Variants in PRR14L observed in about 807,000 individuals in gnomAD.
PRR14L encodes the protein protein PRR14L.
Under a neutral mutation model 155.0 loss-of-function variants are expected in PRR14L, and 80 were observed. The ratio of observed to expected loss-of-function variants is 0.52; its 90% confidence interval spans 0.43 to 0.62. The LOEUF is 0.62. Ranked by LOEUF, PRR14L falls within the 20% of genes least tolerant of loss-of-function variation. PRR14L has a pLI of 0.00. For synonymous variants in PRR14L, 883 were observed against 916.0 expected (o/e 0.96, Z 0.65); for missense variants, 2,469 against 2,548.0 (o/e 0.97, Z 0.67).
intron 7 of PRR14L, 25 bp from the exon 8 acceptor site, chr22:31,688,252 T>G (rs1478138836): frequency 6.4e-7 from 1 of 1,551,386 alleles, no homozygotes; most frequent in Non-Finnish European, 8.7e-7. Flanking sequence ...GGAAAAAAAT[T>G]CTTCAGGTTC....
intron 8 of PRR14L, 63 bp downstream of exon 8, chr22:31,688,093 G>T: frequency 6.7e-7 from 1 of 1,484,672 alleles, no homozygotes; most frequent in Non-Finnish European, 9.2e-7. Context: ...AAGTGAAAGG[G>T]CTGGAGATTC....
chr22:31,747,986 A>G (rs1342471631), intron 1 of PRR14L, among the ~76,000 whole-genome samples: 1 of 151,282 alleles, frequency 6.6e-6, no homozygotes. Flanking sequence ...TACAGCAACA[A>G]GCAAAAAAAA....
At chr22:31,705,157 A>T (rs1215871877) in intron 4 of PRR14L, among the ~76,000 whole-genome samples, 1 of 152,148 alleles carries the variant, frequency 6.6e-6, no homozygotes, top group African/African-American at 2.4e-5. Context: ...GCTACTCAAG[A>T]GGCTGGGGTG....
Position 31,713,208 on chromosome 22 carries a change from A to G in PRR14L, c.4631T>C (p.Ile1544Thr). 1 of 1,551,802 alleles carries G rather than the reference A, an allele frequency of 6.4e-7. No individual in the cohort carries two copies. Among genetic ancestry groups the G allele is most frequent in the Non-Finnish European group, 8.7e-7 (1 of 1,147,034 alleles). The change falls in exon 4 of 9, where the codon ATC becomes ACC. Residue 1544 changes from isoleucine (I) to threonine (T), a missense_variant. Ile to Thr is a moderately conservative substitution (Grantham distance 89). Transcript: ENST00000327423. ...QIIVGRKIGKIRSSAFLKSSS... is the reference protein window; with the variant it reads ...QIIVGRKIGKTRSSAFLKSSS... ...ACTCTTTAAAAAGGCAGAACTTCTG[A>G]TTTTACCTATTTTTCTCCCAACAAT...
At chr22:31,704,912 AGACT>A (rs1235188571) in intron 4 of PRR14L, among the ~76,000 whole-genome samples, 186 bp from the exon 5 acceptor site, 1 of 152,208 alleles carries the variant, frequency 6.6e-6, no homozygotes, top group Non-Finnish European at 1.5e-5. Context: ...GAATGGAGGC[AGACT>A]GACAGGAAGA....
intron 3 of PRR14L, among the ~76,000 whole-genome samples, chr22:31,719,959 C>A (rs1279861049): frequency 1.3e-5 from 2 of 152,110 alleles, no homozygotes; most frequent in African/African-American, 4.8e-5. Context: ...TGACCTTGAA[C>A]ACCTGAGCTC....
chr22:31,711,610 C>T (rs528167001), intron 4 of PRR14L, among the ~76,000 whole-genome samples: 8 of 151,484 alleles, frequency 5.3e-5, no homozygotes, highest in South Asian at 4.2e-4. Context: ...GAGAAACCCC[C>T]GTCTCTACTA....
At chr22:31,698,052 T>C (rs913952361) in intron 7 of PRR14L, among the ~76,000 whole-genome samples, 12 of 120,058 alleles carry the variant, frequency 1.0e-4, no homozygotes, top group Non-Finnish European at 2.0e-4. Flanking sequence ...CTATAAGATG[T>C]TGTAATTCTT....
chr22:31,741,252 CAAAAAAAAAAA>C (rs139593821), intron 1 of PRR14L, among the ~76,000 whole-genome samples: 37 of 25,700 alleles, frequency 1.4e-3, no homozygotes, highest in Middle Eastern at 0.026. Context: ...GGCTCTGTCT[CAAAAAAAAAAA>C]AAAAAAAAAA....
chr22:31,711,776 C>CA (rs757790329), intron 4 of PRR14L, among the ~76,000 whole-genome samples: 11,204 of 48,616 alleles, frequency 0.23, 992 homozygotes, highest in South Asian at 0.3. Context: ...AAGAGTTAAT[C>CA]AAAAAAAAAA....
intron 5 of PRR14L, chr22:31,704,393 G>A (rs769264110): frequency 1.9e-4 from 58 of 308,970 alleles, no homozygotes; most frequent in Non-Finnish European, 3.3e-4. Context: ...TAGCTTGAGA[G>A]GGGACTTCTG....
intron 2 of PRR14L, among the ~76,000 whole-genome samples, chr22:31,738,135 T>C (rs902618593): frequency 1.3e-5 from 2 of 152,200 alleles, no homozygotes; most frequent in African/African-American, 4.8e-5. Context: ...ACCATGATTT[T>C]CACAGACTCA....
chr22:31,693,603 A>G (rs1021978122), intron 7 of PRR14L, among the ~76,000 whole-genome samples: 2 of 152,206 alleles, frequency 1.3e-5, no homozygotes, highest in African/African-American at 4.8e-5. Flanking sequence ...CAGCTGCTGT[A>G]TGGTATGGTA....
At chr22:31,735,506 G>C (rs922369426) in intron 2 of PRR14L, among the ~76,000 whole-genome samples, 1 of 151,622 alleles carries the variant, frequency 6.6e-6, no homozygotes, top group Non-Finnish European at 1.5e-5. Context: ...GTAAGCATGT[G>C]TATGTATATG....
intron 4 of PRR14L, among the ~76,000 whole-genome samples, chr22:31,711,658 C>CCTGTAATCCCAGCTA (rs1338343556): frequency 1.3e-5 from 2 of 151,290 alleles, no homozygotes; most frequent in Non-Finnish European, 2.9e-5. Flanking sequence ...GTGGCGCATG[C>CCTGTAATCCCAGCTA]CTGTAATCCC....
chr22:31,734,965 A>T (rs1457925118), intron 2 of PRR14L, among the ~76,000 whole-genome samples: 2 of 152,240 alleles, frequency 1.3e-5, no homozygotes, highest in Non-Finnish European at 2.9e-5. Flanking sequence ...TAAAACCTGC[A>T]GGTCTTCCGT....
chr22:31,715,568 C>A lies in PRR14L; in HGVS notation c.2271G>T (p.Arg757Ser), dbSNP rs773172397. 6.4e-7 allele frequency: 1 copy of A among 1,552,028 alleles called. No homozygotes were observed. Residue 757 changes from arginine to serine, a missense_variant, in exon 4 of 9, where the codon AGG becomes AGT. Transcript: ENST00000327423. ...CTGCTTCTCTCTTATTTGAGCGCAG[C>A]CTGGAATGTAGAGCTTTTGTTCCTG... The part of the protein sequence containing the change: ...ADSGTKALHS[R>S]LRSNKREAAG...
intron 1 of PRR14L, among the ~76,000 whole-genome samples, chr22:31,744,942 AGAG>A: frequency 6.6e-6 from 1 of 152,370 alleles, no homozygotes; most frequent in Admixed American, 6.5e-5. Flanking sequence ...CACATTGGCT[AGAG>A]AACCAAAACA....
At position 31,704,698 on chromosome 22, in the gene PRR14L, G is replaced by T. The variant is rs1175115517; in HGVS notation, c.5785C>A (p.Pro1929Thr). The T allele has an allele frequency of 3.1e-6, 5 of 1,613,978 alleles. No homozygotes were observed. The South Asian group carries it at 5.5e-5, about 18-fold the overall frequency. ...SHTMLPYVPL[P>T]GMEATYNTSG... ...GTGTTATATGTAGCTTCCATGCCTG[G>T]AAGAGGCACATATGGTAACATGGTG... The change falls in exon 5 of 9, where the codon CCA becomes ACA. Residue 1929 changes from proline (P) to threonine (T), a missense_variant. Pro to Thr is a conservative substitution (Grantham distance 38, BLOSUM62 -1). Transcript: ENST00000327423.
Sources: gnomAD v4.1 joint callset for allele counts (sites outside exome capture counted in the v4.1 genomes callset) on GRCh38, gnomAD v4.1.1 for gene constraint, MANE v1.5 for transcripts, NCBI Gene and HGNC (gene_info 2026-07-23, HGNC 2026-07-21) for gene names.